TLE5: variants seen among roughly 807,000 people sequenced by gnomAD.
TLE5 encodes the protein TLE family member 5, transcriptional modulator.
TLE5 carries 7 observed loss-of-function variants against 25.8 expected under a neutral mutation model. The observed-to-expected ratio is 0.27, with a 90% CI of 0.15 to 0.51. The LOEUF is 0.51. TLE5 is among the 20% of genes least tolerant of loss of function. The pLI, the probability that TLE5 is intolerant of heterozygous loss-of-function variation, is 0.97. For missense variants in TLE5, 149 were observed against 250.7 expected (o/e 0.59, Z 2.74); for synonymous variants, 132 against 110.5 (o/e 1.20, Z -1.22).
rs756090405 is a variant in TLE5, at chr19:3,061,149, C to T, written c.125+11G>A. 1.1e-5 allele frequency: 17 copies of T among 1,605,428 alleles called. No homozygotes were observed. Among genetic ancestry groups the T allele is most frequent in the Non-Finnish European group, 1.3e-5 (15 of 1,172,500 alleles). On this transcript the variant is annotated intron_variant, in intron 2 of 6. Transcript: ENST00000327141. ...TCTCGGGACGCAGGGACCCCCAGTCCCCCAGCTCACCTGTGGTACTGAGCT... is the reference window on the plus strand; with the variant it reads ...TCTCGGGACGCAGGGACCCCCAGTCTCCCAGCTCACCTGTGGTACTGAGCT...
chr19:3,061,741 G>A (rs1337129927), intron 1 of TLE5, among the ~76,000 whole-genome samples: 1 of 150,980 alleles, frequency 6.6e-6, no homozygotes, highest in Non-Finnish European at 1.5e-5. Context: ...TCGGGGACAC[G>A]CTCTTCCGGG....
chr19:3,056,256 T>C, intron 4 of TLE5, 56 bp downstream of exon 4: 3 of 782,110 alleles, frequency 3.8e-6, no homozygotes, highest in South Asian at 3.2e-5. Context: ...GGGCTGGAGG[T>C]GGGGGGAGGA....
In TLE5 at chr19:3,061,246, G is replaced by C; in HGVS notation, c.39C>G (p.His13Gln). The C allele has an allele frequency of 6.2e-7, 1 of 1,613,488 alleles. No individual in the cohort carries two copies. The highest frequency in any genetic ancestry group is 8.5e-7 in the Non-Finnish European group (1 of 1,179,558). The change falls in exon 2 of 7, where the codon CAC becomes CAG. Residue 13 changes from histidine to glutamine, a missense_variant. Transcript: ENST00000327141. ...TGGTGAATTTGAGTTGCTGGGGTAG[G>C]TGCGAGGAGCCCTGTAGGGATGGGG... ...FPQSRHSGSS[H>Q]LPQQLKFTTS...
chr19:3,057,487 C>G, intron 3 of TLE5, 192 bp downstream of exon 3: 1 of 604,040 alleles, frequency 1.7e-6, no homozygotes, highest in Non-Finnish European at 2.9e-6. Context: ...TCGGCCACTG[C>G]CTCGGCCATC....
chr19:3,055,977 C>T, intron 4 of TLE5: 1 of 529,564 alleles, frequency 1.9e-6, no homozygotes, highest in Non-Finnish European at 3.3e-6. Flanking sequence ...GGCCAGACTG[C>T]ACATTCCTCG....
chr19:3,054,086 T>TCGGGGGCC, intron 6 of TLE5, 34 bp downstream of exon 6: 2 of 1,512,814 alleles, frequency 1.3e-6, no homozygotes, highest in Non-Finnish European at 1.8e-6. Flanking sequence ...GGCCCACCTG[T>TCGGGGGCC]CCCCCGCCCA....
At chr19:3,062,690 C>T (rs1568267430), upstream of TLE5, 35 of 1,459,374 alleles carry the variant, frequency 2.4e-5, no homozygotes, top group Non-Finnish European at 3.0e-5. Context: ...CCCCCGCCAC[C>T]CTCTCCTACC....
At chr19:3,057,596 G>T in intron 3 of TLE5, 83 bp downstream of exon 3, 2 of 1,373,784 alleles carry the variant, frequency 1.5e-6, no homozygotes, top group Non-Finnish European at 1.0e-6. Flanking sequence ...CGGGGTTGAG[G>T]GAGCAGCTGC....
In TLE5 at chr19:3,057,725, T is replaced by A; in HGVS notation, c.143A>T (p.Asp48Val). The change falls in exon 3 of 7, where the codon GAC becomes GTC. Residue 48 changes from aspartate (D) to valine (V), a missense_variant. Physicochemically the swap from Asp to Val is radical, Grantham distance 152 (BLOSUM62 -3). Coordinates refer to ENST00000327141, the MANE Select transcript of TLE5 (RefSeq NM_001130.6). ...AQYHSLKLEC[D>V]KLASEKSEMQ... Reference sequence around the variant, plus strand: ...CTCTGACTTCTCACTGGCCAACTTGTCACATTCGAGCTTGAGGCTGAGGAG... The same window carrying A: ...CTCTGACTTCTCACTGGCCAACTTGACACATTCGAGCTTGAGGCTGAGGAG... 6.2e-7 allele frequency: 1 copy of A among 1,613,590 alleles called. No individual in the cohort carries two copies. The highest frequency in any genetic ancestry group is 8.5e-7 in the Non-Finnish European group (1 of 1,179,918).
intron 2 of TLE5, among the ~76,000 whole-genome samples, chr19:3,059,499 C>A (rs1033272985): frequency 6.6e-6 from 1 of 152,076 alleles, no homozygotes; most frequent in Admixed American, 6.5e-5. Flanking sequence ...TCCAGCCTGG[C>A]GACAGAGCAA....
At chr19:3,062,816 C>T (rs1434554928), upstream of TLE5, 2 of 1,550,454 alleles carry the variant, frequency 1.3e-6, no homozygotes, top group South Asian at 2.4e-5. Flanking sequence ...CGGACGTGCT[C>T]TGTGACCTTG....
At chr19:3,056,262 G>GAGGAGGGGGA (rs1161752018) in intron 4 of TLE5, 50 bp downstream of exon 4, 1 of 1,315,218 alleles carries the variant, frequency 7.6e-7, no homozygotes, top group Admixed American at 2.3e-5. Flanking sequence ...GAGGTGGGGG[G>GAGGAGGGGGA]AGGAGGGGGA....
At chr19:3,059,819 C>T (rs2090249890) in intron 2 of TLE5, among the ~76,000 whole-genome samples, 1 of 152,170 alleles carries the variant, frequency 6.6e-6, no homozygotes, top group African/African-American at 2.4e-5. Context: ...GTATCCAACC[C>T]TTCATATCGA....
upstream of TLE5, chr19:3,062,830 C>G: frequency 1.9e-6 from 3 of 1,548,972 alleles, no homozygotes; most frequent in Non-Finnish European, 2.6e-6. Context: ...GACCTTGGCT[C>G]TGGCTGGGCG....
Position 3,056,363 on chromosome 19 carries a change from G to A in TLE5, c.190-7C>T, listed in dbSNP as rs1207891959. On this transcript the variant is annotated splice_polypyrimidine_tract_variant and splice_region_variant and intron_variant, in intron 3 of 6. Coordinates refer to ENST00000327141, the MANE Select transcript of TLE5 (RefSeq NM_001130.6). ...CGTAGGACATCTCGTAGTACTGTAT[G>A]GGGGAGAGAGAGGGGGAGCGGGAGA... 3 of 1,391,066 alleles carry A rather than the reference G, an allele frequency of 2.2e-6. No homozygotes were observed. The highest frequency in any genetic ancestry group is 2.4e-5 in the Admixed American group (1 of 42,080). The allele number at this position is 1,391,066 out of a possible 1,614,324, so 86.2% of individuals were successfully genotyped here. A position where few individuals can be genotyped will look rare whatever the true frequency, so the allele number is the denominator to read the frequency against.
intron 1 of TLE5, 90 bp from the exon 2 acceptor site, chr19:3,061,347 G>T: frequency 1.1e-6 from 1 of 951,064 alleles, no homozygotes; most frequent in South Asian, 1.3e-5. Flanking sequence ...CGCAGCTGCG[G>T]CGCCCCCCCT....
Position 3,062,427 on chromosome 19 carries a change from C to G in TLE5, c.-227G>C. 1.3e-6 allele frequency: 1 copy of G among 791,842 alleles called. No individual in the cohort carries two copies. The highest frequency in any genetic ancestry group is 1.5e-6 in the Non-Finnish European group (1 of 656,096). The allele number at this position is 791,842 out of a possible 1,614,324, so 49.1% of individuals were successfully genotyped here. A position where few individuals can be genotyped will look rare whatever the true frequency, so the allele number is the denominator to read the frequency against. Reference sequence around the variant, plus strand: ...TGCGCGCCCGGCGCCCCTCCCCGCCCCTCCCCGCCGCCCGCCTCCCCGCTC... The same window carrying G: ...TGCGCGCCCGGCGCCCCTCCCCGCCGCTCCCCGCCGCCCGCCTCCCCGCTC... On this transcript the variant is annotated 5_prime_UTR_variant, in exon 1 of 7. Coordinates refer to ENST00000327141, the MANE Select transcript of TLE5 (RefSeq NM_001130.6).
intron 1 of TLE5, among the ~76,000 whole-genome samples, chr19:3,061,875 TC>T (rs2090271992): frequency 1.6e-5 from 1 of 62,602 alleles, no homozygotes; most frequent in South Asian, 9.0e-4. Flanking sequence ...GCCCTGACTG[TC>T]CCGGCGGGTT....
chr19:3,060,340 T>C (rs1462717185), intron 2 of TLE5, among the ~76,000 whole-genome samples: 16 of 141,802 alleles, frequency 1.1e-4, no homozygotes, highest in African/African-American at 4.3e-4. Flanking sequence ...TTTTTTTTTT[T>C]TTTTTTTTTT....
Sources: gnomAD v4.1 joint callset for allele counts (sites outside exome capture counted in the v4.1 genomes callset) on GRCh38, gnomAD v4.1.1 for gene constraint, MANE v1.5 for transcripts, NCBI Gene and HGNC (gene_info 2026-07-23, HGNC 2026-07-21) for gene names.